ZNF532: variants seen among roughly 807,000 people sequenced by gnomAD.
ZNF532 encodes the protein zinc finger protein 532.
In ZNF532, 22 loss-of-function variants were observed where a neutral mutation model predicts 89.3. The observed-to-expected ratio is 0.25, with a 90% CI of 0.18 to 0.35. The LOEUF (loss-of-function observed/expected upper bound fraction) is 0.35, where lower values mean the gene tolerates loss of function less well. Among genes scored for constraint, ZNF532 ranks in the 10% least tolerant of loss-of-function variants. ZNF532 has a pLI of 1.00. For missense variants in ZNF532, 1,132 were observed against 1,643.4 expected (o/e 0.69, Z 5.38); for synonymous variants, 606 against 649.6 (o/e 0.93, Z 1.02).
intron 7 of ZNF532, among the ~76,000 whole-genome samples, chr18:58,972,447 T>A: frequency 6.6e-6 from 1 of 152,266 alleles, no homozygotes; most frequent in East Asian, 1.9e-4. Flanking sequence ...GTTACTTTGA[T>A]AAAGAAATAA....
chr18:58,974,445 C>G (rs1188649727), intron 7 of ZNF532, among the ~76,000 whole-genome samples: 1 of 152,156 alleles, frequency 6.6e-6, no homozygotes, highest in Admixed American at 6.5e-5. Flanking sequence ...AGCCAGTTCT[C>G]CTTTGATGGA....
rs762474822 is a variant in ZNF532 at position 58,934,459 on chromosome 18, G to T, written c.2373G>T (p.Leu791=). Residue 791 remains leucine, a synonymous_variant, in exon 4 of 10, where the codon CTG becomes CTT. Coordinates refer to ENST00000591808, the MANE Select transcript of ZNF532 (RefSeq NM_001375912.1). ...AGACTTGCACTATCTGCCAGATGCT[G>T]CTTCCTAACCAGTGCAGTTATGCAT... ...GQKTCTICQM[L]LPNQCSYASH... is the part of the protein sequence containing the mutation. The T allele has an allele frequency of 1.9e-6, 3 of 1,613,790 alleles. No individual in the cohort carries two copies. Among genetic ancestry groups the T allele is most frequent in the Non-Finnish European group, 2.5e-6 (3 of 1,179,832 alleles).
intron 2 of ZNF532, among the ~76,000 whole-genome samples, chr18:58,867,544 G>A (rs527247406): frequency 6.6e-6 from 1 of 152,304 alleles, no homozygotes; most frequent in Admixed American, 6.5e-5. Flanking sequence ...GGATGTGAGT[G>A]TGCAGGATGA....
chr18:58,929,156 T>G (rs947465573), intron 3 of ZNF532, among the ~76,000 whole-genome samples: 9 of 152,338 alleles, frequency 5.9e-5, no homozygotes, highest in Admixed American at 2.0e-4. Flanking sequence ...GTTCATTCTT[T>G]CTGCTTCTCT....
intron 2 of ZNF532, among the ~76,000 whole-genome samples, chr18:58,890,251 T>TAC (rs1351387596): frequency 6.6e-6 from 1 of 150,992 alleles, no homozygotes; most frequent in African/African-American, 2.4e-5. Flanking sequence ...ATATATGAGT[T>TAC]ATATATATAT....
intron 9 of ZNF532, among the ~76,000 whole-genome samples, chr18:58,982,971 A>AC (rs1603355297): frequency 6.6e-6 from 1 of 152,058 alleles, no homozygotes; most frequent in East Asian, 1.9e-4. Flanking sequence ...AATTAGCTGG[A>AC]CATCGTGGTG....
chr18:58,919,666 C>T lies in ZNF532; in HGVS notation c.1379C>T (p.Thr460Met), dbSNP rs754752250. The T allele has an allele frequency of 5.6e-6, 9 of 1,613,710 alleles. No homozygotes were observed. The highest frequency in any genetic ancestry group is 1.1e-5 in the South Asian group (1 of 91,062). ...TTCCTCCCAGTGTCTGCTGTGAAGA[C>T]GGCAGGATCCCAAGTCATTAATTTG... ...TAFLPVSAVK[T>M]AGSQVINLKL... The change falls in exon 3 of 10, where the codon ACG (threonine) becomes ATG (methionine). Residue 460 changes from threonine (T) to methionine (M), a missense_variant. By Grantham distance (81) the Thr-to-Met change is moderately conservative. Transcript: ENST00000591808. This position sits in a 1 kb window ranked among gnomAD's most constrained non-coding sequence, Gnocchi z 6.1.
chr18:58,975,683 G>A (rs989558367), intron 7 of ZNF532, among the ~76,000 whole-genome samples: 8 of 152,164 alleles, frequency 5.3e-5, no homozygotes, highest in African/African-American at 1.9e-4. Flanking sequence ...TGAGACGGGA[G>A]GAAGAAAGTT....
intron 2 of ZNF532, among the ~76,000 whole-genome samples, chr18:58,888,868 A>ATAT (rs1301154103): frequency 3.1e-4 from 13 of 42,216 alleles, no homozygotes; most frequent in Admixed American, 4.0e-4. Context: ...ATATATATAT[A>ATAT]ATATATATTA....
intron 5 of ZNF532, among the ~76,000 whole-genome samples, chr18:58,943,190 C>CG (rs2063356155): frequency 7.0e-6 from 1 of 142,656 alleles, no homozygotes; most frequent in Non-Finnish European, 1.5e-5. Flanking sequence ...GATGGAGTCT[C>CG]GCTCTGTCAC....
chr18:58,901,086 A>G (rs143486297), intron 2 of ZNF532, among the ~76,000 whole-genome samples: 83 of 152,188 alleles, frequency 5.5e-4, no homozygotes, highest in African/African-American at 1.8e-3. Context: ...TTCTATTTCT[A>G]CCTTCATAGT....
At chr18:58,920,847 G>A (rs1398967419) in intron 3 of ZNF532, among the ~76,000 whole-genome samples, 2 of 150,332 alleles carry the variant, frequency 1.3e-5, no homozygotes, top group Non-Finnish European at 3.0e-5. Context: ...AGTAAGGATT[G>A]TTTTCATAGA....
chr18:58,905,038 C>T (rs1352438569), intron 2 of ZNF532, among the ~76,000 whole-genome samples: 4 of 152,026 alleles, frequency 2.6e-5, no homozygotes, highest in African/African-American at 9.7e-5. Flanking sequence ...GACAGGGTTT[C>T]ACCATGTTGG....
chr18:58,939,764 G>T, intron 5 of ZNF532, 143 bp downstream of exon 5: 1 of 624,748 alleles, frequency 1.6e-6, no homozygotes, highest in Non-Finnish European at 2.6e-6. Context: ...ATGAAATACA[G>T]CTCATAGCTC....
chr18:58,875,211 G>A (rs1007422176), intron 2 of ZNF532, among the ~76,000 whole-genome samples: 7 of 149,860 alleles, frequency 4.7e-5, no homozygotes, highest in Non-Finnish European at 8.8e-5. Flanking sequence ...GTGTCTTGCT[G>A]TGTTGCCCAG....
At chr18:58,969,002 A>C (rs978011885) in intron 7 of ZNF532, among the ~76,000 whole-genome samples, 1 of 152,212 alleles carries the variant, frequency 6.6e-6, no homozygotes, top group Non-Finnish European at 1.5e-5. Context: ...CAAAGAAAAT[A>C]AGAGGCCATT....
intron 6 of ZNF532, 86 bp from the exon 7 acceptor site, chr18:58,953,432 G>A: frequency 1.7e-6 from 2 of 1,180,608 alleles, no homozygotes; most frequent in Non-Finnish European, 1.2e-6. Flanking sequence ...GTGTTGAAAT[G>A]TGTACCACAT....
intron 4 of ZNF532, among the ~76,000 whole-genome samples, chr18:58,936,206 C>G (rs2062456723): frequency 6.6e-6 from 1 of 152,226 alleles, no homozygotes; most frequent in Non-Finnish European, 1.5e-5. Flanking sequence ...CTGCCTCCAG[C>G]TCCACTGGGA....
chr18:58,919,168 C>T lies in ZNF532; in HGVS notation c.881C>T (p.Ser294Leu), dbSNP rs551203829. 57 of 1,614,176 alleles carry T rather than the reference C, an allele frequency of 3.5e-5. No individual in the cohort carries two copies. The highest frequency in any genetic ancestry group is 2.1e-4 in the South Asian group (19 of 91,078). The change falls in exon 3 of 10, where the codon TCG (serine) becomes TTG (leucine). Residue 294 changes from serine (S) to leucine (L), a missense_variant. Ser to Leu is a moderately radical substitution (Grantham distance 145, BLOSUM62 -2). Coordinates refer to ENST00000591808, the MANE Select transcript of ZNF532 (RefSeq NM_001375912.1). This position sits in a 1 kb window ranked among gnomAD's most constrained non-coding sequence, Gnocchi z 6.1. ...TCCTGCAAAGAACCAGTGGCCAATT[C>T]GAGGGAATCCTCCCCGTTACCAAAA... ...SDSCKEPVAN[S>L]RESSPLPKEV...
Sources: gnomAD v4.1 joint callset for allele counts (sites outside exome capture counted in the v4.1 genomes callset) on GRCh38, gnomAD v4.1.1 for gene constraint, Gnocchi (gnomAD v3.1) non-coding constraint, MANE v1.5 for transcripts, NCBI Gene and HGNC (gene_info 2026-07-23, HGNC 2026-07-21) for gene names.